The following PDE10A variants were observed in gnomAD, a reference collection of about 807,000 sequenced individuals.
PDE10A encodes the protein cAMP and cAMP-inhibited cGMP 3',5'-cyclic phosphodiesterase 10A.
Under a neutral mutation model 97.7 loss-of-function variants are expected in PDE10A, and 39 were observed. The observed-to-expected ratio is 0.40, with a 90% CI of 0.31 to 0.52. PDE10A has a LOEUF of 0.52. Ranked by LOEUF, PDE10A falls within the 20% of genes least tolerant of loss-of-function variation. The pLI is 0.56. For synonymous variants in PDE10A, 371 were observed against 376.8 expected, an observed-to-expected ratio of 0.98 and a Z score of 0.18; for missense variants, 731 against 1,047.8, an observed-to-expected ratio of 0.70 and a Z score of 4.17.
intron 1 of PDE10A, among the ~76,000 whole-genome samples, chr6:165,871,169 C>T (rs1034533870): frequency 1.4e-4 from 21 of 152,128 alleles, no homozygotes; most frequent in South Asian, 2.1e-4. Flanking sequence ...GGTCATTACA[C>T]AGCGTACGCA....
At chr6:165,708,631 C>T (rs1425247465) in intron 1 of PDE10A, among the ~76,000 whole-genome samples, 2 of 151,780 alleles carry the variant, frequency 1.3e-5, no homozygotes, top group Non-Finnish European at 2.9e-5. Flanking sequence ...ATGAAACCAA[C>T]CCAGGAATGC....
chr6:165,473,790 C>T (rs221725), intron 3 of PDE10A, among the ~76,000 whole-genome samples: 92,667 of 152,042 alleles, frequency 0.61, 28,725 homozygotes, highest in Admixed American at 0.71. Flanking sequence ...TACAACCATA[C>T]ACTGGGAGTG....
intron 1 of PDE10A, among the ~76,000 whole-genome samples, chr6:165,787,829 G>A (rs1467124619): frequency 6.6e-6 from 1 of 152,166 alleles, no homozygotes; most frequent in Admixed American, 6.5e-5. Flanking sequence ...GAACATTAGA[G>A]ATCAGGACTA....
chr6:165,614,008 G>A (rs147629563), intron 1 of PDE10A, among the ~76,000 whole-genome samples: 3 of 152,234 alleles, frequency 2.0e-5, no homozygotes, highest in African/African-American at 4.8e-5. Context: ...AGCCTGGGAC[G>A]CTGCCCTGCT....
At chr6:165,787,614 G>A (rs970823971) in intron 1 of PDE10A, among the ~76,000 whole-genome samples, 47 of 152,268 alleles carry the variant, frequency 3.1e-4, no homozygotes, top group Non-Finnish European at 1.8e-4. Flanking sequence ...ATGCTACTTC[G>A]TAGGAGTGAT....
intron 1 of PDE10A, among the ~76,000 whole-genome samples, chr6:165,639,894 C>T (rs768556007): frequency 4.0e-5 from 6 of 151,836 alleles, no homozygotes; most frequent in Admixed American, 6.6e-5. Flanking sequence ...ATAGGGAGAC[C>T]TTGTCTTCTA....
At chr6:165,683,515 G>A (rs1160806916) in intron 1 of PDE10A, among the ~76,000 whole-genome samples, 3 of 152,126 alleles carry the variant, frequency 2.0e-5, no homozygotes, top group Non-Finnish European at 2.9e-5. Context: ...GGGAGAGATG[G>A]GTTCATCTGG....
intron 1 of PDE10A, among the ~76,000 whole-genome samples, chr6:165,964,931 A>G (rs1784466461): frequency 6.6e-6 from 1 of 152,190 alleles, no homozygotes; most frequent in Non-Finnish European, 1.5e-5. Context: ...GCAGGCAGAC[A>G]GGAGAAGGAA....
chr6:165,804,733 C>T (rs1182192625), intron 1 of PDE10A, among the ~76,000 whole-genome samples: 2 of 151,734 alleles, frequency 1.3e-5, no homozygotes, highest in Non-Finnish European at 2.9e-5. Context: ...GGGAGGGTGT[C>T]CGGGTGAGGG....
intron 1 of PDE10A, among the ~76,000 whole-genome samples, chr6:165,731,783 TAA>T (rs1792443357): frequency 1.3e-5 from 2 of 152,304 alleles, no homozygotes; most frequent in East Asian, 1.9e-4. Flanking sequence ...GTCCTCATAT[TAA>T]GTTAGGTCAG....
At chr6:165,663,882 A>C (rs1790421031), upstream of PDE10A, among the ~76,000 whole-genome samples, 1 of 152,204 alleles carries the variant, frequency 6.6e-6, no homozygotes, top group African/African-American at 2.4e-5. Context: ...GAATCCAGGC[A>C]GTTGCCACTG....
At chr6:165,979,900 A>C (rs986563647) in intron 1 of PDE10A, among the ~76,000 whole-genome samples, 35 of 152,224 alleles carry the variant, frequency 2.3e-4, no homozygotes, top group Admixed American at 1.8e-3. Flanking sequence ...TCCTATTTTA[A>C]AATAATACAC....
intron 6 of PDE10A, among the ~76,000 whole-genome samples, chr6:165,434,783 G>A (rs962227484): frequency 6.6e-5 from 10 of 152,138 alleles, no homozygotes; most frequent in African/African-American, 1.4e-4. Flanking sequence ...GACCTCAGAC[G>A]CATAGGCAAA....
chr6:165,335,604 CT>C (rs1317144910), intron 21 of PDE10A, among the ~76,000 whole-genome samples: 1 of 152,148 alleles, frequency 6.6e-6, no homozygotes, highest in Non-Finnish European at 1.5e-5. Context: ...TGGCCAAGGG[CT>C]TCTATCCCAG....
chr6:165,493,030 T>A lies in PDE10A; in HGVS notation c.995-10687A>T, dbSNP rs573853249. ...AATGTACACAAATAAGTAGCCCTGC[T>A]ATACACCAACAGCGACCAAGCTGAG... On this transcript the variant is annotated intron_variant, in intron 2 of 21. Coordinates refer to ENST00000539869, the MANE Select transcript of PDE10A (RefSeq NM_001385079.1). Among the ~76,000 whole-genome samples, 296 of 152,290 alleles carry A rather than the reference T, an allele frequency of 1.9e-3. 2 individuals carry two copies. The highest frequency in any genetic ancestry group is 6.8e-3 in the African/African-American group (283 of 41,578).
At chr6:165,624,592 TC>T (rs1788295529) in intron 1 of PDE10A, among the ~76,000 whole-genome samples, 1 of 152,184 alleles carries the variant, frequency 6.6e-6, no homozygotes, top group Non-Finnish European at 1.5e-5. Context: ...TGAGGCTGAT[TC>T]CCACGTTAGG....
rs1790306429 is a variant in PDE10A, at chr6:165,662,135, C to G, written c.677G>C (p.Arg226Pro). 1 of 822,146 alleles carries G rather than the reference C, an allele frequency of 1.2e-6. No individual in the cohort carries two copies. The highest frequency in any genetic ancestry group is 1.5e-6 in the Non-Finnish European group (1 of 679,034). 50.9% of individuals were successfully genotyped at this position (822,146 alleles called of 1,614,324 possible). Residue 226 changes from arginine (R) to proline (P), a missense_variant, in exon 1 of 22, where the codon CGC becomes CCC. Arg to Pro is a moderately radical substitution (Grantham distance 103). Coordinates refer to ENST00000539869, the MANE Select transcript of PDE10A (RefSeq NM_001385079.1). ...PPRLPLGQAA[R>P]RAGSPGFPGA... ...GGGGAAGCCGGGGGAGCCCGCGCGGCGGGCGGCCTGGCCAAGGGGGAGCCG... is the reference window on the plus strand; with the variant it reads ...GGGGAAGCCGGGGGAGCCCGCGCGGGGGGCGGCCTGGCCAAGGGGGAGCCG...
Position 165,422,477 on chromosome 6 carries a change from G to A in PDE10A, c.1654-3700C>T, listed in dbSNP as rs951187885. On this transcript the variant is annotated intron_variant, in intron 10 of 21. Transcript: ENST00000539869. ...TACACACACAGGCATACACACATAC[G>A]CATACACACCTATGCATACGTTTAC... Among the ~76,000 whole-genome samples, 4 of 146,256 alleles carry A rather than the reference G, an allele frequency of 2.7e-5. 1 individual carries two copies. The highest frequency in any genetic ancestry group is 4.3e-4 in the South Asian group (2 of 4,618).
intron 1 of PDE10A, among the ~76,000 whole-genome samples, chr6:165,722,045 A>C (rs1401902010): frequency 2.0e-5 from 3 of 152,308 alleles, no homozygotes; most frequent in Middle Eastern, 3.4e-3. Context: ...CATACAAACA[A>C]ATTTGTATAC....
Sources: gnomAD v4.1 joint callset for allele counts (sites outside exome capture counted in the v4.1 genomes callset) on GRCh38, gnomAD v4.1.1 for gene constraint, MANE v1.5 for transcripts, NCBI Gene and HGNC (gene_info 2026-07-23, HGNC 2026-07-21) for gene names.